DLGAP2: variants seen among roughly 807,000 people sequenced by gnomAD.
The protein encoded by DLGAP2 is DLG associated protein 2, also known as disks large-associated protein 2.
In DLGAP2, 26 loss-of-function variants were observed where a neutral mutation model predicts 100.3. That is an observed-to-expected ratio of 0.26 (90% confidence interval 0.19 to 0.36). DLGAP2 has a LOEUF of 0.36. Ranked by LOEUF, DLGAP2 falls within the 10% of genes least tolerant of loss-of-function variation. DLGAP2 has a pLI of 1.00. For synonymous variants in DLGAP2, 886 were observed against 630.1 expected (o/e 1.41, Z -6.08); for missense variants, 1,858 against 1,453.2 (o/e 1.28, Z -4.53).
At chr8:958,708 T>C (rs975012514) in intron 2 of DLGAP2, among the ~76,000 whole-genome samples, 2 of 151,990 alleles carry the variant, frequency 1.3e-5, no homozygotes, top group African/African-American at 4.8e-5. Flanking sequence ...TTTCTGTATC[T>C]AGCATACCAA....
At chr8:1,604,137 C>T (rs1322826973) in intron 6 of DLGAP2, among the ~76,000 whole-genome samples, 2 of 152,204 alleles carry the variant, frequency 1.3e-5, no homozygotes, top group Non-Finnish European at 2.9e-5. Flanking sequence ...ACACTGCAGA[C>T]ACTGTTCACA....
chr8:1,649,514 C>G (rs917581983), intron 8 of DLGAP2, among the ~76,000 whole-genome samples: 3 of 152,006 alleles, frequency 2.0e-5, no homozygotes, highest in Non-Finnish European at 2.9e-5. Flanking sequence ...TTTCAAACAC[C>G]AAAAATGCAG....
chr8:767,454 C>G (rs1286771236), intron 1 of DLGAP2, among the ~76,000 whole-genome samples: 1 of 151,712 alleles, frequency 6.6e-6, no homozygotes, highest in Non-Finnish European at 1.5e-5. Context: ...CTCTGCCTCC[C>G]AGGTTCAAGC....
rs150198216 is a variant in DLGAP2, at chr8:748,368, C to G, written c.18+10543C>G. ...CTGTCTCTGTCTCGCTCCTCCAAGACTGAGGTCCACAGAGCCAGCTCAGCT... is the reference window on the plus strand; with the variant it reads ...CTGTCTCTGTCTCGCTCCTCCAAGAGTGAGGTCCACAGAGCCAGCTCAGCT... On this transcript the variant is annotated intron_variant, in intron 1 of 14. Coordinates refer to ENST00000637795, the MANE Select transcript of DLGAP2 (RefSeq NM_001346810.2). Among the ~76,000 whole-genome samples, 1,332 of 152,116 alleles carry G rather than the reference C, an allele frequency of 8.8e-3. 19 individuals are homozygous for G. The highest frequency in any genetic ancestry group is 0.031 in the African/African-American group (1,283 of 41,484).
At chr8:1,074,004 G>T (rs1444512205) in intron 2 of DLGAP2, among the ~76,000 whole-genome samples, 1 of 149,124 alleles carries the variant, frequency 6.7e-6, no homozygotes, top group Non-Finnish European at 1.5e-5. Flanking sequence ...AGAAGGGTTT[G>T]CAGCAGACTG....
chr8:1,163,498 C>T (rs1292351336), intron 2 of DLGAP2, among the ~76,000 whole-genome samples: 1 of 152,234 alleles, frequency 6.6e-6, no homozygotes, highest in Non-Finnish European at 1.5e-5. Flanking sequence ...TATTTATTCA[C>T]CAAGATTCCA....
chr8:933,414 G>T (rs1799004234), intron 2 of DLGAP2, among the ~76,000 whole-genome samples: 1 of 150,880 alleles, frequency 6.6e-6, no homozygotes, highest in South Asian at 2.1e-4. Flanking sequence ...GGTGAGGGCA[G>T]AGCCTGCAGT....
intron 2 of DLGAP2, among the ~76,000 whole-genome samples, chr8:1,166,906 G>A (rs184392408): frequency 6.6e-6 from 1 of 152,242 alleles, no homozygotes; most frequent in East Asian, 1.9e-4. Flanking sequence ...CTAGTGTTTG[G>A]GAGGCCAAGG....
chr8:1,010,165 GCA>G (rs755993607), intron 2 of DLGAP2, among the ~76,000 whole-genome samples: 8 of 152,100 alleles, frequency 5.3e-5, no homozygotes, highest in Non-Finnish European at 1.0e-4. Context: ...ACACACCTAT[GCA>G]CACACAGACA....
intron 1 of DLGAP2, among the ~76,000 whole-genome samples, chr8:831,593 A>G (rs1796784665): frequency 2.6e-5 from 4 of 151,984 alleles, no homozygotes; most frequent in Admixed American, 2.0e-4. Context: ...TATGTGCCAC[A>G]TTTTCTTAAT....
intron 2 of DLGAP2, among the ~76,000 whole-genome samples, chr8:1,252,441 C>T (rs566357294): frequency 6.6e-6 from 1 of 152,262 alleles, no homozygotes; most frequent in African/African-American, 2.4e-5. Context: ...CCACACTTGT[C>T]ACACTGTGGT....
Position 1,632,979 on chromosome 8 carries a change from C to A in DLGAP2, c.1743C>A (p.Ser581=). 1 of 1,614,000 alleles carries A rather than the reference C, an allele frequency of 6.2e-7. No homozygotes were observed. The highest frequency in any genetic ancestry group is 8.5e-7 in the Non-Finnish European group (1 of 1,179,890). Residue 581 remains serine (S), a synonymous_variant, in exon 8 of 15, where the codon TCC becomes TCA. Coordinates refer to ENST00000637795, the MANE Select transcript of DLGAP2 (RefSeq NM_001346810.2). ...SYLRAIQAGY[S]QDDECIPMMT... is the part of the protein sequence containing the mutation. ...TTCGAGCCATTCAAGCCGGCTACTC[C>A]CAAGATGACGAATGTATTCCCATGA...
intron 8 of DLGAP2, among the ~76,000 whole-genome samples, chr8:1,636,214 T>G (rs1797762061): frequency 6.6e-6 from 1 of 152,210 alleles, no homozygotes; most frequent in Non-Finnish European, 1.5e-5. Context: ...TTATTGATAT[T>G]GTGAAGGAAA....
At chr8:1,006,904 C>T (rs1055773025) in intron 2 of DLGAP2, among the ~76,000 whole-genome samples, 4 of 142,914 alleles carry the variant, frequency 2.8e-5, no homozygotes, top group South Asian at 2.4e-4. Context: ...TCCTTTATCA[C>T]GTCGGGGGCG....
rs1799674539 is a variant in DLGAP2, at chr8:1,705,217, C to A, written c.*3811C>A. ...GAGTGGGGGAGGTGGGTCCAAGTCT[C>A]CCTCAGGAAGGCCTTTTCTATCGGC... On this transcript the variant is annotated 3_prime_UTR_variant, in exon 15 of 15. Transcript: ENST00000637795. 6.6e-6 allele frequency: 1 copy of A among 152,304 alleles called. No homozygotes were observed. The highest frequency in any genetic ancestry group is 1.5e-5 in the Non-Finnish European group (1 of 68,134). 9.4% of individuals were successfully genotyped at this position (152,304 alleles called of 1,614,324 possible). A position where few individuals can be genotyped will look rare whatever the true frequency, so the allele number is the denominator to read the frequency against.
At chr8:1,201,266 C>G (rs1468158374) in intron 2 of DLGAP2, among the ~76,000 whole-genome samples, 1 of 152,212 alleles carries the variant, frequency 6.6e-6, no homozygotes, top group Non-Finnish European at 1.5e-5. Context: ...CAGGTCCCAA[C>G]CACAGAGCCG....
intron 2 of DLGAP2, among the ~76,000 whole-genome samples, chr8:931,574 A>T (rs1281891951): frequency 1.3e-5 from 2 of 152,132 alleles, no homozygotes; most frequent in Non-Finnish European, 2.9e-5. Flanking sequence ...GAGAGCTGGG[A>T]CATTTGGCTC....
chr8:971,802 A>T (rs150433053), intron 2 of DLGAP2, among the ~76,000 whole-genome samples: 1 of 152,174 alleles, frequency 6.6e-6, no homozygotes, highest in South Asian at 2.1e-4. Flanking sequence ...ATCCTAAGCA[A>T]TGAGAGTGAA....
chr8:1,701,465 C>T lies in DLGAP2; in HGVS notation c.*59C>T, dbSNP rs891847407. 3.9e-5 allele frequency: 59 copies of T among 1,495,370 alleles called. No individual in the cohort carries two copies. Among genetic ancestry groups the T allele is most frequent in the Non-Finnish European group, 4.9e-5 (55 of 1,113,514 alleles). 92.6% of individuals were successfully genotyped at this position (1,495,370 alleles called of 1,614,324 possible). On this transcript the variant is annotated 3_prime_UTR_variant, in exon 15 of 15. Coordinates refer to ENST00000637795, the MANE Select transcript of DLGAP2 (RefSeq NM_001346810.2). ...CGCTTTCCCGGACGCTTGTGCAGCG[C>T]GGCGCCGCCCTGGTGGTTTCTGTCT...
Sources: allele counts gnomAD v4.1 joint callset (sites outside exome capture counted in the v4.1 genomes callset), GRCh38; gene constraint gnomAD v4.1.1; transcripts MANE v1.5; gene names NCBI Gene and HGNC (gene_info 2026-07-23, HGNC 2026-07-21).